CCDC172: variants seen among roughly 807,000 people sequenced by gnomAD.
The protein encoded by CCDC172 is coiled-coil domain-containing protein 172.
CCDC172 carries 30 observed loss-of-function variants against 38.0 expected under a neutral mutation model. The observed-to-expected ratio is 0.79, with a 90% CI of 0.59 to 1.07. The LOEUF (loss-of-function observed/expected upper bound fraction) is 1.07, where lower values mean the gene tolerates loss of function less well. Ranked by LOEUF, CCDC172 falls within the 50% of genes least tolerant of loss-of-function variation. The probability of loss-of-function intolerance (pLI) is 0.00; values close to 1 mark genes in which losing one functional copy is unlikely to be tolerated. For synonymous variants in CCDC172, 78 were observed against 88.3 expected (o/e 0.88, Z 0.66); for missense variants, 297 against 290.1 (o/e 1.02, Z -0.17).
intron 3 of CCDC172, among the ~76,000 whole-genome samples, chr10:116,329,022 T>C (rs1266376515): frequency 1.3e-5 from 2 of 152,324 alleles, no homozygotes; most frequent in South Asian, 4.1e-4. Context: ...AATCACACTA[T>C]GAATACTTGG....
At chr10:116,358,345 T>G (rs1332995148) in intron 7 of CCDC172, among the ~76,000 whole-genome samples, 2 of 152,156 alleles carry the variant, frequency 1.3e-5, no homozygotes, top group African/African-American at 4.8e-5. Context: ...TCTGGTTTTG[T>G]TCTTAAAAAG....
chr10:116,352,815 A>G (rs1018324086), intron 5 of CCDC172, among the ~76,000 whole-genome samples: 1 of 152,130 alleles, frequency 6.6e-6, no homozygotes, highest in Admixed American at 6.6e-5. Context: ...CCATATTGGA[A>G]AGGAAGAGGT....
chr10:116,337,062 G>T (rs1345090955), intron 3 of CCDC172, among the ~76,000 whole-genome samples: 1 of 150,804 alleles, frequency 6.6e-6, no homozygotes, highest in African/African-American at 2.5e-5. Context: ...ATTGCTGAGA[G>T]AAGCAGAATT....
At chr10:116,325,230 T>A in intron 2 of CCDC172, 73 bp from the exon 3 acceptor site, 1 of 1,491,816 alleles carries the variant, frequency 6.7e-7, no homozygotes, top group Non-Finnish European at 9.3e-7. Flanking sequence ...AACTGAAAGG[T>A]GGCTTATCAA....
At chr10:116,378,120 G>T (rs540285581) in intron 7 of CCDC172, among the ~76,000 whole-genome samples, 5 of 152,068 alleles carry the variant, frequency 3.3e-5, no homozygotes, top group Admixed American at 1.3e-4. Context: ...AGCAGAGGTT[G>T]CAGTGAGCCG....
chr10:116,355,014 GTTAAC>G (rs996495545), intron 5 of CCDC172, among the ~76,000 whole-genome samples: 25 of 152,268 alleles, frequency 1.6e-4, no homozygotes, highest in African/African-American at 5.5e-4. Context: ...TTTTTAAAAA[GTTAAC>G]TTAAAAAGTT....
intron 7 of CCDC172, among the ~76,000 whole-genome samples, chr10:116,363,317 GA>G (rs1236242500): frequency 6.6e-6 from 1 of 152,084 alleles, no homozygotes; most frequent in Non-Finnish European, 1.5e-5. Flanking sequence ...ACACACCTGT[GA>G]AAGCTCTTAC....
rs1225241932 is a variant in CCDC172 at position 116,357,446 on chromosome 10, T to C, written c.515T>C (p.Ile172Thr). The change falls in exon 6 of 9, where the codon ATA (isoleucine) becomes ACA (threonine). Residue 172 changes from isoleucine to threonine, a missense_variant. Transcript: ENST00000333254. ...CTTCAAAAACAAAAGAGTGAATTGA[T>C]ACAAGAATTATTTACTCTCCAAAGA... Reference protein sequence around the residue: ...NELQKQKSELIQELFTLQRKL... With the variant: ...NELQKQKSELTQELFTLQRKL... The C allele has an allele frequency of 6.3e-7, 1 of 1,581,814 alleles. No homozygotes were observed. Among genetic ancestry groups the C allele is most frequent in the Non-Finnish European group, 8.6e-7 (1 of 1,166,610 alleles).
At chr10:116,340,465 A>G (rs2134920415) in intron 3 of CCDC172, among the ~76,000 whole-genome samples, 1 of 152,000 alleles carries the variant, frequency 6.6e-6, no homozygotes, top group East Asian at 1.9e-4. Context: ...TCTTCTAGGT[A>G]TTGAGAGGAA....
intron 3 of CCDC172, among the ~76,000 whole-genome samples, chr10:116,330,134 A>G (rs992199830): frequency 3.9e-5 from 6 of 152,194 alleles, no homozygotes; most frequent in African/African-American, 1.4e-4. Flanking sequence ...AAATAAATGA[A>G]GTAAGCCTAA....
intron 8 of CCDC172, 112 bp downstream of exon 8, chr10:116,378,622 A>C (rs1258569743): frequency 1.3e-6 from 1 of 762,880 alleles, no homozygotes; most frequent in Admixed American, 3.2e-5. Context: ...CTCTGCAAAA[A>C]ACAGAAAAGC....
chr10:116,332,489 G>A (rs536149117), intron 3 of CCDC172, among the ~76,000 whole-genome samples: 1 of 152,180 alleles, frequency 6.6e-6, no homozygotes, highest in South Asian at 2.1e-4. Flanking sequence ...ATTAATATCT[G>A]AAATTTCTGT....
In CCDC172 at chr10:116,357,482, G is replaced by A. The variant is rs765633744; in HGVS notation, c.550+1G>A. ...TTTACTCTCCAAAGAAAACTTAAAG[G>A]TATTACCTTCATGAGTTAGCTTATT... is the stretch of plus-strand genomic sequence containing the variant. On this transcript the variant is annotated splice_donor_variant, in intron 6 of 8. Coordinates refer to ENST00000333254, the MANE Select transcript of CCDC172 (RefSeq NM_198515.3). LOFTEE classifies it high-confidence loss of function. 2.0e-5 allele frequency: 31 copies of A among 1,543,024 alleles called. No homozygotes were observed. Among genetic ancestry groups the A allele is most frequent in the Non-Finnish European group, 2.7e-5 (31 of 1,145,564 alleles).
Position 116,325,086 on chromosome 10 carries a change from AG to A in CCDC172, c.76del (p.Glu26LysfsTer2), listed in dbSNP as rs1277635376. Reference protein sequence around the residue: ...QAEESRRLMREVRSEITRCRE... With the variant: ...QAEESRRLMRXVRSEITRCRE... ...CGGAGGAGAGTCGCCGTTTGATGCG[AG>A]AAGGTCGGGGTATTTCTGTCCTTTG... On this transcript the variant is annotated frameshift_variant, in exon 2 of 9. Transcript: ENST00000333254. LOFTEE classifies it high-confidence loss of function. 1.9e-6 allele frequency: 3 copies of A among 1,613,760 alleles called. No homozygotes were observed. The highest frequency in any genetic ancestry group is 2.5e-6 in the Non-Finnish European group (3 of 1,179,970).
chr10:116,376,476 A>G (rs183797711), intron 7 of CCDC172, among the ~76,000 whole-genome samples: 175 of 152,294 alleles, frequency 1.1e-3, no homozygotes, highest in African/African-American at 4.1e-3. Context: ...TTTTCTTTTC[A>G]GAAAAAAATG....
intron 3 of CCDC172, among the ~76,000 whole-genome samples, chr10:116,325,884 A>G (rs541843369): frequency 6.6e-6 from 1 of 152,154 alleles, no homozygotes; most frequent in Non-Finnish European, 1.5e-5. Flanking sequence ...CAGCGTTTGT[A>G]ATGTTCTGTT....
At chr10:116,378,568 A>G in intron 8 of CCDC172, 58 bp downstream of exon 8, 1 of 1,395,270 alleles carries the variant, frequency 7.2e-7, no homozygotes, top group Non-Finnish European at 1.0e-6. Flanking sequence ...ACTGGTAAGG[A>G]ACGGTTTTAC....
chr10:116,371,731 A>C (rs1314327506), intron 7 of CCDC172, among the ~76,000 whole-genome samples: 1 of 152,124 alleles, frequency 6.6e-6, no homozygotes, highest in African/African-American at 2.4e-5. Flanking sequence ...CTGGGTGAGA[A>C]ATAGACAAAT....
intron 7 of CCDC172, 100 bp from the exon 8 acceptor site, chr10:116,378,323 G>C (rs993543293): frequency 1.4e-5 from 16 of 1,179,102 alleles, no homozygotes; most frequent in Middle Eastern, 2.9e-4. Context: ...GTCTTAACTT[G>C]AAATTCTGAT....
Sources: allele counts gnomAD v4.1 joint callset (sites outside exome capture counted in the v4.1 genomes callset), GRCh38; gene constraint gnomAD v4.1.1; transcripts MANE v1.5; gene names NCBI Gene and HGNC (gene_info 2026-07-23, HGNC 2026-07-21).